Variants in FER observed in about 807,000 individuals in gnomAD.
FER encodes the protein tyrosine-protein kinase Fer.
In FER, 63 loss-of-function variants were observed where a neutral mutation model predicts 111.0. That is an observed-to-expected ratio of 0.57 (90% CI 0.46 to 0.70). The LOEUF (loss-of-function observed/expected upper bound fraction) is 0.70, where lower values mean the gene tolerates loss of function less well. Among genes scored for constraint, FER ranks in the 30% least tolerant of loss-of-function variants. The probability of loss-of-function intolerance (pLI) is 0.00; values close to 1 mark genes in which losing one functional copy is unlikely to be tolerated. For synonymous variants in FER, 327 were observed against 313.9 expected, an observed-to-expected ratio of 1.04 and a Z score of -0.44; for missense variants, 914 against 954.0, an observed-to-expected ratio of 0.96 and a Z score of 0.55.
chr5:109,079,651 A>G (rs1482849253), intron 16 of FER, among the ~76,000 whole-genome samples: 1 of 151,506 alleles, frequency 6.6e-6, no homozygotes, highest in Non-Finnish European at 1.5e-5. Flanking sequence ...TGTAGATGCC[A>G]GAACCCCTAA....
intron 5 of FER, among the ~76,000 whole-genome samples, chr5:108,849,985 A>T (rs750548507): frequency 7.2e-5 from 11 of 152,004 alleles, no homozygotes; most frequent in Non-Finnish European, 1.2e-4. Context: ...AGGTCAAGAG[A>T]TCAAGACCAG....
chr5:109,149,576 T>C (rs968280172), intron 17 of FER, among the ~76,000 whole-genome samples: 6 of 151,898 alleles, frequency 4.0e-5, no homozygotes, highest in Admixed American at 3.3e-4. Context: ...AGAAACAAAT[T>C]TCATATCAAT....
intron 10 of FER, among the ~76,000 whole-genome samples, chr5:108,932,332 T>C (rs1754805029): frequency 6.6e-6 from 1 of 152,142 alleles, no homozygotes; most frequent in African/African-American, 2.4e-5. Flanking sequence ...TCATCCATGT[T>C]CCTGCAAAAG....
At chr5:109,071,171 A>G (rs1775719970) in intron 16 of FER, among the ~76,000 whole-genome samples, 2 of 152,040 alleles carry the variant, frequency 1.3e-5, no homozygotes, top group African/African-American at 4.8e-5. Flanking sequence ...TTACAATAGA[A>G]GGCATTATGT....
intron 18 of FER, among the ~76,000 whole-genome samples, chr5:109,183,566 A>G (rs1474708736): frequency 1.3e-5 from 2 of 152,088 alleles, no homozygotes; most frequent in African/African-American, 4.8e-5. Flanking sequence ...TCTTTCATAT[A>G]TGAAAGCAGT....
At chr5:108,753,341 ATAGT>A (rs1391876846) in intron 1 of FER, among the ~76,000 whole-genome samples, 6 of 152,204 alleles carry the variant, frequency 3.9e-5, no homozygotes, top group African/African-American at 9.6e-5. Flanking sequence ...ATACAAATAA[ATAGT>A]TAGAAATATC....
At chr5:108,858,997 G>C (rs1432137789) in intron 5 of FER, among the ~76,000 whole-genome samples, 1 of 152,046 alleles carries the variant, frequency 6.6e-6, no homozygotes, top group Admixed American at 6.6e-5. Flanking sequence ...ATTCCCAAAA[G>C]TGTGATATAA....
intron 3 of FER, among the ~76,000 whole-genome samples, chr5:108,811,521 T>TG (rs1185005428): frequency 6.6e-6 from 1 of 152,242 alleles, no homozygotes; most frequent in Non-Finnish European, 1.5e-5. Context: ...ATTCTGCTGT[T>TG]GTTGGTTAGA....
intron 5 of FER, among the ~76,000 whole-genome samples, chr5:108,864,331 T>A (rs187759085): frequency 6.6e-6 from 1 of 152,336 alleles, no homozygotes; most frequent in East Asian, 1.9e-4. Flanking sequence ...ATTGGAGGGA[T>A]GATGAGAAAG....
intron 2 of FER, among the ~76,000 whole-genome samples, chr5:108,797,205 C>T (rs1181152828): frequency 2.0e-5 from 3 of 152,040 alleles, no homozygotes; most frequent in Non-Finnish European, 4.4e-5. Context: ...AATGACTGCC[C>T]AGTGCTCTAT....
intron 5 of FER, among the ~76,000 whole-genome samples, chr5:108,857,976 G>C (rs1338623755): frequency 6.6e-6 from 1 of 152,092 alleles, no homozygotes; most frequent in Non-Finnish European, 1.5e-5. Context: ...GTTCCTTTTA[G>C]TGGAGAATTA....
At chr5:108,772,099 G>C (rs1166944638) in intron 2 of FER, among the ~76,000 whole-genome samples, 4 of 152,044 alleles carry the variant, frequency 2.6e-5, no homozygotes, top group Admixed American at 2.6e-4. Context: ...AACTGCGAAG[G>C]GGGAATGCAG....
chr5:109,013,794 T>C (rs1412191272), intron 13 of FER, among the ~76,000 whole-genome samples: 6 of 149,682 alleles, frequency 4.0e-5, no homozygotes, highest in Non-Finnish European at 7.5e-5. Flanking sequence ...TGAGATGGTA[T>C]CTCATTGTGG....
intron 3 of FER, among the ~76,000 whole-genome samples, chr5:108,824,821 G>A (rs1316119859): frequency 4.6e-5 from 7 of 152,014 alleles, no homozygotes; most frequent in African/African-American, 7.2e-5. Context: ...CGATAATCAC[G>A]TAGGTTCTTT....
intron 13 of FER, among the ~76,000 whole-genome samples, chr5:109,000,351 TA>T (rs549883969): frequency 1.0e-4 from 15 of 150,104 alleles, no homozygotes; most frequent in African/African-American, 3.2e-4. Context: ...AACTCTCTAG[TA>T]AAAAAAAATG....
At chr5:109,078,869 C>G (rs1223683649) in intron 16 of FER, among the ~76,000 whole-genome samples, 4 of 152,094 alleles carry the variant, frequency 2.6e-5, no homozygotes, top group African/African-American at 9.7e-5. Context: ...GAGAGGATCA[C>G]TAGTAATTGG....
At chr5:109,089,308 A>G (rs1484541545) in intron 16 of FER, among the ~76,000 whole-genome samples, 4 of 152,196 alleles carry the variant, frequency 2.6e-5, no homozygotes, top group East Asian at 1.9e-4. Flanking sequence ...GTGAAATACC[A>G]CTAAGATGGA....
intron 13 of FER, among the ~76,000 whole-genome samples, chr5:109,008,875 CAGG>C (rs1765844153): frequency 1.3e-5 from 2 of 151,994 alleles, no homozygotes; most frequent in Admixed American, 6.6e-5. Flanking sequence ...GAGGGTGAGG[CAGG>C]AGAATTGCTT....
rs147406165 is a variant in FER, at chr5:108,954,928, T to A, written c.1529T>A (p.Val510Asp). The change falls in exon 12 of 20, where the codon GTT becomes GAT. Residue 510 changes from valine to aspartate, a missense_variant. Physicochemically the swap from Val to Asp is radical, Grantham distance 152 (BLOSUM62 -3). Transcript: ENST00000281092. ...AGGAGACATTTTATCATACAATATG[T>A]TGATGTACGTTTCCAGTTTAGTTCA... ...GQRRHFIIQY[V>D]DNMYRFEGTG... The A allele has an allele frequency of 5.0e-6, 8 of 1,603,272 alleles. No individual in the cohort carries two copies. The Middle Eastern group carries it at 8.9e-4, about 178-fold the overall frequency.
Sources: allele counts gnomAD v4.1 joint callset (sites outside exome capture counted in the v4.1 genomes callset), GRCh38; gene constraint gnomAD v4.1.1; transcripts MANE v1.5; gene names NCBI Gene and HGNC (gene_info 2026-07-23, HGNC 2026-07-21).